MAGI2: variants seen among roughly 807,000 people sequenced by gnomAD.
MAGI2 encodes membrane associated guanylate kinase, WW and PDZ domain containing 2, also known as membrane-associated guanylate kinase, WW and PDZ domain-containing protein 2.
In MAGI2, 35 loss-of-function variants were observed where a neutral mutation model predicts 133.3. That is an observed-to-expected ratio of 0.26 (90% confidence interval 0.20 to 0.35). The LOEUF (loss-of-function observed/expected upper bound fraction) is 0.35. Among genes scored for constraint, MAGI2 ranks in the 10% least tolerant of loss-of-function variants. MAGI2 has a pLI of 1.00. For missense variants in MAGI2, 1,636 were observed against 1,863.4 expected (o/e 0.88, Z 2.25); for synonymous variants, 729 against 710.6 (o/e 1.03, Z -0.41).
At chr7:78,323,480 C>T (rs1008492047) in intron 9 of MAGI2, among the ~76,000 whole-genome samples, 24 of 152,206 alleles carry the variant, frequency 1.6e-4, no homozygotes, top group African/African-American at 5.8e-4. Context: ...ATGCTTGAAA[C>T]AAAACAAGGG....
intron 1 of MAGI2, among the ~76,000 whole-genome samples, chr7:79,389,056 T>A (rs1844411930): frequency 6.6e-6 from 1 of 151,764 alleles, no homozygotes; most frequent in South Asian, 2.1e-4. Flanking sequence ...AAAACACTTC[T>A]TTTTTTTAAA....
intron 2 of MAGI2, among the ~76,000 whole-genome samples, chr7:78,649,237 A>AAAAAAAAAAAAAAAAAG (rs1563294737): frequency 1.5e-4 from 10 of 65,466 alleles, no homozygotes; most frequent in African/African-American, 3.4e-4. Context: ...AAAAAAAAAG[A>AAAAAAAAAAAAAAAAAG]AAAAAAAAGA....
chr7:78,651,553 C>G (rs961392507), intron 2 of MAGI2, among the ~76,000 whole-genome samples: 2 of 151,760 alleles, frequency 1.3e-5, no homozygotes, highest in Non-Finnish European at 2.9e-5. Context: ...TATTAGAAAC[C>G]CTCCCAGAAA....
intron 2 of MAGI2, among the ~76,000 whole-genome samples, chr7:78,762,576 A>T (rs1374393962): frequency 6.6e-6 from 1 of 152,254 alleles, no homozygotes; most frequent in African/African-American, 2.4e-5. Context: ...CAAGAAGAGG[A>T]TCATCTCAAA....
At chr7:78,645,804 T>C (rs1392630403) in intron 2 of MAGI2, among the ~76,000 whole-genome samples, 1 of 151,650 alleles carries the variant, frequency 6.6e-6, no homozygotes, top group South Asian at 2.1e-4. Flanking sequence ...AGTGGCATGA[T>C]CTTGGCTCAC....
intron 1 of MAGI2, among the ~76,000 whole-genome samples, chr7:79,130,582 A>G (rs1820845029): frequency 6.6e-6 from 1 of 152,194 alleles, no homozygotes; most frequent in East Asian, 1.9e-4. Flanking sequence ...TCTAGTGTCT[A>G]CTTCATCTCA....
At chr7:78,331,103 C>A (rs1380299393) in intron 9 of MAGI2, among the ~76,000 whole-genome samples, 1 of 152,146 alleles carries the variant, frequency 6.6e-6, no homozygotes, top group Non-Finnish European at 1.5e-5. Flanking sequence ...AGTGAATTAA[C>A]ACAAGAACAA....
chr7:78,472,256 C>T (rs1224775632), intron 6 of MAGI2, among the ~76,000 whole-genome samples: 3 of 152,108 alleles, frequency 2.0e-5, no homozygotes, highest in African/African-American at 7.2e-5. Flanking sequence ...ACTGCTATCT[C>T]ACATTTAGTT....
rs143513619 is a variant in MAGI2, at chr7:78,565,670, C to A, written c.539-44025G>T. ...TAGACAACACAGCCTTACTATTGGC[C>A]TTACTTCAGAAATTTCCCAAATTTT... is the stretch of plus-strand genomic sequence containing the variant. On this transcript the variant is annotated intron_variant, in intron 3 of 21. Transcript: ENST00000354212. 5.8e-3 allele frequency among the ~76,000 whole-genome samples: 880 copies of A among 152,080 alleles called. 9 individuals are homozygous for A. The highest frequency in any genetic ancestry group is 0.02 in the African/African-American group (841 of 41,482).
intron 6 of MAGI2, among the ~76,000 whole-genome samples, chr7:78,406,321 T>C (rs1486672525): frequency 6.6e-6 from 1 of 152,050 alleles, no homozygotes; most frequent in Non-Finnish European, 1.5e-5. Context: ...ATTTAACCTT[T>C]GTAACTAGGA....
chr7:78,396,896 C>T (rs1316874772), intron 6 of MAGI2, among the ~76,000 whole-genome samples: 4 of 152,038 alleles, frequency 2.6e-5, no homozygotes, highest in Admixed American at 1.3e-4. Context: ...AGTTCAATAT[C>T]GGGTCGAGTG....
At chr7:78,284,936 T>C (rs1396262508) in intron 9 of MAGI2, among the ~76,000 whole-genome samples, 1 of 152,098 alleles carries the variant, frequency 6.6e-6, no homozygotes, top group East Asian at 1.9e-4. Context: ...AAAATAAATG[T>C]TTACAATTTT....
intron 16 of MAGI2, among the ~76,000 whole-genome samples, chr7:78,147,621 A>G (rs1823437070): frequency 6.6e-6 from 1 of 152,190 alleles, no homozygotes; most frequent in South Asian, 2.1e-4. Context: ...AATGCCAATT[A>G]TACTGGAGGG....
intron 15 of MAGI2, among the ~76,000 whole-genome samples, chr7:78,163,294 C>T (rs1228137383): frequency 6.6e-5 from 10 of 152,080 alleles, no homozygotes; most frequent in African/African-American, 1.4e-4. Flanking sequence ...TCCGCCACCA[C>T]GCCCGGCTAA....
intron 4 of MAGI2, among the ~76,000 whole-genome samples, chr7:78,515,662 A>T (rs1254535143): frequency 6.6e-6 from 1 of 152,198 alleles, no homozygotes; most frequent in East Asian, 1.9e-4. Flanking sequence ...GCACTTTGGG[A>T]GGCCGAGGCG....
chr7:79,088,955 T>A lies in MAGI2; in HGVS notation c.302-81749A>T, dbSNP rs562512857. Among the ~76,000 whole-genome samples the A allele has an allele frequency of 2.0e-5, 3 of 152,068 alleles. No individual in the cohort carries two copies. In the East Asian group the frequency reaches 5.8e-4, roughly 29 times the overall value. ...AAAGCCAAAGTTGACAAAGGGGATA[T>A]AATTAAACTAAAGAGTTTCTCTAAA... On this transcript the variant is annotated intron_variant, in intron 1 of 21. Coordinates refer to ENST00000354212, the MANE Select transcript of MAGI2 (RefSeq NM_012301.4).
chr7:79,107,059 C>T (rs534248024), intron 1 of MAGI2, among the ~76,000 whole-genome samples: 10 of 152,218 alleles, frequency 6.6e-5, no homozygotes, highest in Non-Finnish European at 1.3e-4. Context: ...GAATAGGTTC[C>T]ATTATTTGGC....
intron 6 of MAGI2, among the ~76,000 whole-genome samples, chr7:78,478,955 T>C (rs1292794597): frequency 6.6e-6 from 1 of 151,850 alleles, no homozygotes; most frequent in Non-Finnish European, 1.5e-5. Context: ...TCCTGACCCA[T>C]ACCTAGAAGC....
intron 1 of MAGI2, among the ~76,000 whole-genome samples, chr7:79,075,873 A>G (rs1418319330): frequency 6.6e-6 from 1 of 152,232 alleles, no homozygotes; most frequent in Non-Finnish European, 1.5e-5. Context: ...AACACCACAT[A>G]AATTGTTAAA....
Sources: allele counts gnomAD v4.1 joint callset (sites outside exome capture counted in the v4.1 genomes callset), GRCh38; gene constraint gnomAD v4.1.1; transcripts MANE v1.5; gene names NCBI Gene and HGNC (gene_info 2026-07-23, HGNC 2026-07-21).